Variants in PRKG1 observed in about 807,000 individuals in gnomAD.
The protein encoded by PRKG1 is cGMP-dependent protein kinase 1.
In PRKG1, 35 loss-of-function variants were observed where a neutral mutation model predicts 88.1. That is an observed-to-expected ratio of 0.40 (90% CI 0.30 to 0.53). PRKG1 has a LOEUF of 0.53. PRKG1 is among the 20% of genes least tolerant of loss of function. The pLI, the probability that PRKG1 is intolerant of heterozygous loss-of-function variation, is 0.59. For synonymous variants in PRKG1, 303 were observed against 292.5 expected (o/e 1.04, Z -0.37); for missense variants, 540 against 839.8 (o/e 0.64, Z 4.41).
intron 4 of PRKG1, among the ~76,000 whole-genome samples, chr10:51,836,358 A>G (rs1158342654): frequency 6.6e-6 from 1 of 152,058 alleles, no homozygotes; most frequent in Non-Finnish European, 1.5e-5. Flanking sequence ...TTTTCTCCAA[A>G]TCCATGGATT....
At chr10:51,230,870 A>C (rs1435565450) in intron 2 of PRKG1, among the ~76,000 whole-genome samples, 1 of 152,126 alleles carries the variant, frequency 6.6e-6, no homozygotes, top group African/African-American at 2.4e-5. Context: ...AAATCCACGA[A>C]TGCAGAACCC....
At chr10:51,621,589 C>T (rs1839213318) in intron 3 of PRKG1, among the ~76,000 whole-genome samples, 1 of 152,180 alleles carries the variant, frequency 6.6e-6, no homozygotes, top group Admixed American at 6.5e-5. Context: ...ATTATTCCTT[C>T]AGAGATGCAG....
intron 5 of PRKG1, among the ~76,000 whole-genome samples, chr10:51,938,117 A>G (rs1198066260): frequency 1.3e-5 from 2 of 152,118 alleles, no homozygotes; most frequent in Non-Finnish European, 2.9e-5. Flanking sequence ...TACAATGTTC[A>G]TGATGCCTAT....
At chr10:51,765,115 A>G (rs1838124630) in intron 3 of PRKG1, among the ~76,000 whole-genome samples, 1 of 152,226 alleles carries the variant, frequency 6.6e-6, no homozygotes, top group South Asian at 2.1e-4. Context: ...GAAGATGGGG[A>G]GCACAGCTAG....
intron 2 of PRKG1, among the ~76,000 whole-genome samples, chr10:51,359,701 T>C (rs550483374): frequency 6.6e-6 from 1 of 151,986 alleles, no homozygotes; most frequent in South Asian, 2.1e-4. Context: ...AATAATCATA[T>C]GGCTCAATTA....
At chr10:52,086,982 AACTC>A (rs1294404729) in intron 7 of PRKG1, among the ~76,000 whole-genome samples, 2 of 152,120 alleles carry the variant, frequency 1.3e-5, no homozygotes, top group African/African-American at 2.4e-5. Flanking sequence ...ATCTTGTGAG[AACTC>A]ACTCACTGTC....
At chr10:51,801,196 G>A (rs779374218) in intron 3 of PRKG1, among the ~76,000 whole-genome samples, 1 of 152,096 alleles carries the variant, frequency 6.6e-6, no homozygotes, top group Non-Finnish European at 1.5e-5. Context: ...AGGCTTTGCA[G>A]TACATATGGT....
At chr10:51,625,183 T>C (rs552241440) in intron 3 of PRKG1, among the ~76,000 whole-genome samples, 2 of 152,224 alleles carry the variant, frequency 1.3e-5, no homozygotes, top group East Asian at 1.9e-4. Flanking sequence ...TGTACAATTA[T>C]AAATAAAAAA....
At chr10:51,747,941 T>G (rs1837622719) in intron 3 of PRKG1, among the ~76,000 whole-genome samples, 1 of 152,132 alleles carries the variant, frequency 6.6e-6, no homozygotes, top group African/African-American at 2.4e-5. Flanking sequence ...CTATCCCTAT[T>G]AATTGTACAG....
At chr10:51,708,656 G>C (rs1427953301) in intron 3 of PRKG1, among the ~76,000 whole-genome samples, 1 of 152,154 alleles carries the variant, frequency 6.6e-6, no homozygotes, top group Non-Finnish European at 1.5e-5. Flanking sequence ...GGAATCTGAA[G>C]GTCCAGCTTT....
chr10:51,083,804 C>T (rs1004990560), intron 1 of PRKG1, among the ~76,000 whole-genome samples: 5 of 152,126 alleles, frequency 3.3e-5, no homozygotes, highest in African/African-American at 1.2e-4. Context: ...GCCCCTATTG[C>T]CAGCTCTGTG....
At chr10:51,024,696 T>C (rs1455055954) in intron 1 of PRKG1, among the ~76,000 whole-genome samples, 1 of 152,082 alleles carries the variant, frequency 6.6e-6, no homozygotes, top group Non-Finnish European at 1.5e-5. Context: ...CTCAGGAAAC[T>C]TACAGTTATG....
chr10:51,657,178 G>A (rs1840181901), intron 3 of PRKG1, among the ~76,000 whole-genome samples: 1 of 152,036 alleles, frequency 6.6e-6, no homozygotes, highest in Admixed American at 6.6e-5. Flanking sequence ...CATTTGAAAA[G>A]CCCAGTTTAC....
intron 4 of PRKG1, among the ~76,000 whole-genome samples, chr10:51,885,693 C>T (rs963118787): frequency 6.6e-6 from 1 of 152,180 alleles, no homozygotes; most frequent in Non-Finnish European, 1.5e-5. Context: ...GTTCCCAGTT[C>T]TGGAATGCTG....
chr10:51,909,033 T>A, intron 5 of PRKG1: 1 of 152,274 alleles, frequency 6.6e-6, no homozygotes, highest in South Asian at 2.1e-4. Flanking sequence ...CCCAGCCGAT[T>A]GTGACTATAT....
chr10:52,293,015 T>C (rs1432143061), intron 17 of PRKG1, among the ~76,000 whole-genome samples: 1 of 152,092 alleles, frequency 6.6e-6, no homozygotes, highest in African/African-American at 2.4e-5. Context: ...GAAAACCCCA[T>C]TGTCTCAGCC....
At chr10:51,143,495 C>G (rs556151554) in intron 1 of PRKG1, among the ~76,000 whole-genome samples, 42 of 151,838 alleles carry the variant, frequency 2.8e-4, no homozygotes, top group Non-Finnish European at 4.7e-4. Context: ...GGGTATATAC[C>G]CAGTAGTGGG....
intron 5 of PRKG1, among the ~76,000 whole-genome samples, chr10:52,006,032 AC>A (rs1844725913): frequency 6.6e-6 from 1 of 152,054 alleles, no homozygotes; most frequent in Admixed American, 6.6e-5. Flanking sequence ...AACTGAACCC[AC>A]CTTATACCAT....
intron 11 of PRKG1, 139 bp from the exon 12 acceptor site, chr10:52,272,253 T>A (rs944646881): frequency 1.8e-6 from 1 of 547,598 alleles, no homozygotes; most frequent in Admixed American, 3.6e-5. Flanking sequence ...CTTTTCCCCA[T>A]GTGTGGGCTT....
Sources: allele counts gnomAD v4.1 joint callset (sites outside exome capture counted in the v4.1 genomes callset), GRCh38; gene constraint gnomAD v4.1.1; transcripts MANE v1.5; gene names NCBI Gene and HGNC (gene_info 2026-07-23, HGNC 2026-07-21).